The following GANAB variants were observed in gnomAD, a reference collection of about 807,000 sequenced individuals.
The protein encoded by GANAB is glucosidase II alpha subunit.
GANAB carries 35 observed loss-of-function variants against 129.9 expected under a neutral mutation model. That is an observed-to-expected ratio of 0.27 (90% CI 0.21 to 0.36). GANAB has a LOEUF of 0.36. Ranked by LOEUF, GANAB falls within the 10% of genes least tolerant of loss-of-function variation. The pLI is 1.00. For synonymous variants in GANAB, 482 were observed against 451.8 expected (o/e 1.07, Z -0.85); for missense variants, 939 against 1,221.0 (o/e 0.77, Z 3.44).
chr11:62,630,267 C>G lies in GANAB; in HGVS notation c.1523G>C (p.Gly508Ala). ...CGTGGGATTAGTGAAGTCAGGGTAACCAGCTGAGCCTGGGAGAAGTTAAGG... is the reference window on the plus strand; with the variant it reads ...CGTGGGATTAGTGAAGTCAGGGTAAGCAGCTGAGCCTGGGAGAAGTTAAGG... ...YEGWCWPGSAGYPDFTNPTMR... is the reference protein window; with the variant it reads ...YEGWCWPGSAAYPDFTNPTMR... The change falls in exon 13 of 24, where the codon GGT becomes GCT. Residue 508 changes from glycine to alanine, a missense_variant. By Grantham distance (60) the Gly-to-Ala change is moderately conservative. Coordinates refer to ENST00000356638, the MANE Select transcript of GANAB (RefSeq NM_198334.3). 6.2e-7 allele frequency: 1 copy of G among 1,613,544 alleles called. No individual in the cohort carries two copies.
In GANAB at chr11:62,629,020, A is replaced by G. The variant is rs747070400; in HGVS notation, c.1937-8T>C. 4 of 1,610,098 alleles carry G rather than the reference A, an allele frequency of 2.5e-6. No individual in the cohort carries two copies. The South Asian group carries it at 4.4e-5, about 18-fold the overall frequency. ...AGAAGCCACCCACATCCGCTGGTAG[A>G]GGAGAGAGAGGAAGCAGGTTGGAAA... On this transcript the variant is annotated splice_polypyrimidine_tract_variant and splice_region_variant and intron_variant, in intron 16 of 23. Transcript: ENST00000356638.
rs1033834039 is a variant in GANAB, at chr11:62,634,710, C to A, written c.560+111G>T. On this transcript the variant is annotated intron_variant, in intron 5 of 23. Coordinates refer to ENST00000356638, the MANE Select transcript of GANAB (RefSeq NM_198334.3). ...TCCCTGACAGAGAGCTTCTCCCAGC[C>A]CCCAGGCCCTACCTGGCTGTCCCAC... is the stretch of plus-strand genomic sequence containing the variant. 4 of 899,664 alleles carry A rather than the reference C, an allele frequency of 4.4e-6. No individual in the cohort carries two copies. The African/African-American group carries it at 5.0e-5, about 11-fold the overall frequency. 55.7% of individuals were successfully genotyped at this position (899,664 alleles called of 1,614,324 possible).
chr11:62,629,428 G>A (rs1590798303), intron 15 of GANAB, 133 bp from the exon 16 acceptor site: 3 of 810,474 alleles, frequency 3.7e-6, no homozygotes, highest in East Asian at 5.0e-5. Context: ...TTTGAACAAG[G>A]AGTGGACCTC....
intron 5 of GANAB, chr11:62,634,483 GA>G (rs1484020664): frequency 1.2e-5 from 9 of 741,994 alleles, no homozygotes; most frequent in African/African-American, 3.5e-5. Context: ...GAGATGGGGG[GA>G]AAAAGAAACC....
At chr11:62,633,976 CA>C in intron 5 of GANAB, 2 of 355,502 alleles carry the variant, frequency 5.6e-6, no homozygotes, top group Admixed American at 4.4e-5. Context: ...GAGATTCTGC[CA>C]AAAAATGCTT....
intron 4 of GANAB, 36 bp downstream of exon 4, chr11:62,638,947 G>A: frequency 6.2e-7 from 1 of 1,604,522 alleles, no homozygotes; most frequent in Non-Finnish European, 8.5e-7. Flanking sequence ...AGGAGAAAGG[G>A]GCCACAGAAA....
In GANAB at chr11:62,625,120, C is replaced by A. The variant is rs565872739; in HGVS notation, c.*695G>T. The A allele has an allele frequency of 2.4e-6, 1 of 420,884 alleles. No individual in the cohort carries two copies. The highest frequency in any genetic ancestry group is 4.7e-6 in the Non-Finnish European group (1 of 212,570). 26.1% of individuals were successfully genotyped at this position (420,884 alleles called of 1,614,324 possible). A position where few individuals can be genotyped will look rare whatever the true frequency, so the allele number is the denominator to read the frequency against. On this transcript the variant is annotated 3_prime_UTR_variant, in exon 24 of 24. Coordinates refer to ENST00000356638, the MANE Select transcript of GANAB (RefSeq NM_198334.3). Reference sequence around the variant, plus strand: ...AGAAGGGGGCAAAAGAAGTTTAATGCGCATCCCCTAAGAGGTGTGGAAACG... The same window carrying A: ...AGAAGGGGGCAAAAGAAGTTTAATGAGCATCCCCTAAGAGGTGTGGAAACG...
Position 62,633,487 on chromosome 11 carries a change from G to A in GANAB, c.588C>T (p.Gly196=), listed in dbSNP as rs760236090. The change falls in exon 6 of 24, where the codon GGC becomes GGT. Residue 196 remains glycine (G), a synonymous_variant. Transcript: ENST00000356638. ...GTGTTTCCTCAGGCTGGGCCCCATCGCCCTCAGCTGGGTCTTTTGATCCTT... is the reference window on the plus strand; with the variant it reads ...GTGTTTCCTCAGGCTGGGCCCCATCACCCTCAGCTGGGTCTTTTGATCCTT... ...VSQGSKDPAE[G]DGAQPEETPR... is the part of the protein sequence containing the mutation. The A allele has an allele frequency of 7.4e-6, 12 of 1,613,428 alleles. No individual in the cohort carries two copies. Among genetic ancestry groups the A allele is most frequent in the South Asian group, 4.4e-5 (4 of 91,054 alleles).
rs573497628 is a variant in GANAB at position 62,632,283 on chromosome 11, T to C, written c.996+282A>G. 2.0e-5 allele frequency among the ~76,000 whole-genome samples: 3 copies of C among 152,244 alleles called. No individual in the cohort carries two copies. The South Asian group carries it at 6.2e-4, about 32-fold the overall frequency. Reference sequence around the variant, plus strand: ...GCCACCACACCCAGCCCAGAACCTTTTCAACCTCAGTTAACACTATATCCC... The same window carrying C: ...GCCACCACACCCAGCCCAGAACCTTCTCAACCTCAGTTAACACTATATCCC... On this transcript the variant is annotated intron_variant, in intron 9 of 23. Coordinates refer to ENST00000356638, the MANE Select transcript of GANAB (RefSeq NM_198334.3).
rs371289544 is a variant in GANAB, at chr11:62,630,639, G to A, written c.1348C>T (p.Arg450Cys). The A allele has an allele frequency of 2.7e-5, 44 of 1,614,032 alleles. No individual in the cohort carries two copies. The highest frequency in any genetic ancestry group is 8.9e-5 in the East Asian group (4 of 44,896). ...GAAGCCAAGCGCTCAAGCATGGTGCGGGGCTGAGGGAAGCGACTGGGGTCC... is the reference window on the plus strand; with the variant it reads ...GAAGCCAAGCGCTCAAGCATGGTGCAGGGCTGAGGGAAGCGACTGGGGTCC... ...TWDPSRFPQP[R>C]TMLERLASKR... Residue 450 changes from arginine to cysteine, a missense_variant, in exon 11 of 24, where the codon CGC (arginine) becomes TGC (cysteine). This residue lies in a region of GANAB where 220 missense variants were observed against 295.9 expected (regional missense o/e 0.74). Transcript: ENST00000356638.
intron 6 of GANAB, 31 bp from the exon 7 acceptor site, chr11:62,633,302 A>G (rs997547529): frequency 6.4e-7 from 1 of 1,574,308 alleles, no homozygotes; most frequent in Non-Finnish European, 8.7e-7. Context: ...CCACTCTCCA[A>G]TCATACCAGT....
At position 62,625,547 on chromosome 11, in the gene GANAB, T is replaced by C. The variant is rs917472962; in HGVS notation, c.*268A>G. On this transcript the variant is annotated 3_prime_UTR_variant, in exon 24 of 24. Transcript: ENST00000356638. ...GGGCCCTGTGGTTTCCTGGTGTTCG[T>C]AAGTGAATGTGCTCCAGTTAGAGCA... 6 of 502,680 alleles carry C rather than the reference T, an allele frequency of 1.2e-5. No individual in the cohort carries two copies. The highest frequency in any genetic ancestry group is 2.2e-5 in the Non-Finnish European group (6 of 275,542). The allele number at this position is 502,680 out of a possible 1,614,324, so 31.1% of individuals were successfully genotyped here.
chr11:62,638,255 G>A lies in GANAB; in HGVS notation c.380+728C>T, dbSNP rs1375571239. Among the ~76,000 whole-genome samples, 4 of 152,262 alleles carry A rather than the reference G, an allele frequency of 2.6e-5. No homozygotes were observed. The South Asian group carries it at 8.3e-4, about 32-fold the overall frequency. On this transcript the variant is annotated intron_variant, in intron 4 of 23. Coordinates refer to ENST00000356638, the MANE Select transcript of GANAB (RefSeq NM_198334.3). ...TGCAACCTCTGCCTCCTGGGTTCAA[G>A]TAACCGTCCTGCCTCGGCCTCCTGA...
At chr11:62,643,621 C>G (rs1177220047) in intron 1 of GANAB, among the ~76,000 whole-genome samples, 1 of 151,888 alleles carries the variant, frequency 6.6e-6, no homozygotes, top group Non-Finnish European at 1.5e-5. Flanking sequence ...CCAGCCTGGG[C>G]GACACAGCGA....
intron 5 of GANAB, chr11:62,634,408 A>G: frequency 7.1e-7 from 1 of 1,410,672 alleles, no homozygotes; most frequent in Non-Finnish European, 1.0e-6. Flanking sequence ...GGGAAGGGGA[A>G]AAAGAGGCAC....
intron 1 of GANAB, among the ~76,000 whole-genome samples, chr11:62,643,064 G>A (rs1047998675): frequency 1.3e-5 from 2 of 152,100 alleles, no homozygotes; most frequent in Admixed American, 6.5e-5. Context: ...AGGTTATCAC[G>A]AATTGTCAAT....
Position 62,634,885 on chromosome 11 carries a change from G to T in GANAB, c.496C>A (p.Leu166Ile), listed in dbSNP as rs202170226. 7.4e-6 allele frequency: 12 copies of T among 1,613,976 alleles called. No individual in the cohort carries two copies. The highest frequency in any genetic ancestry group is 1.0e-5 in the Non-Finnish European group (12 of 1,179,952). The change falls in exon 5 of 24, where the codon CTT (leucine) becomes ATT (isoleucine). Residue 166 changes from leucine to isoleucine, a missense_variant. Transcript: ENST00000356638. Reference sequence around the variant, plus strand: ...CCTCGGGCATTGACACTAAGCAAAAGACTTCGGTCCTCTAGTAGGTCAAGG... The same window carrying T: ...CCTCGGGCATTGACACTAAGCAAAATACTTCGGTCCTCTAGTAGGTCAAGG... The part of the protein sequence containing the change: ...FRLDLLEDRS[L>I]LLSVNARGLL...
chr11:62,626,184 G>C lies in GANAB; in HGVS notation c.2625-19C>G. The C allele has an allele frequency of 6.5e-7, 1 of 1,548,218 alleles. No homozygotes were observed. The highest frequency in any genetic ancestry group is 8.9e-7 in the Non-Finnish European group (1 of 1,119,772). On this transcript the variant is annotated intron_variant, in intron 22 of 23. Coordinates refer to ENST00000356638, the MANE Select transcript of GANAB (RefSeq NM_198334.3). ...TGCTGAGCTGGAGATGGTAAAAGCAGATGTCCATCAGGGGGAAAAATAACA... is the reference window on the plus strand; with the variant it reads ...TGCTGAGCTGGAGATGGTAAAAGCACATGTCCATCAGGGGGAAAAATAACA...
At position 62,626,342 on chromosome 11, in the gene GANAB, C is replaced by G. The variant is rs1317789498; in HGVS notation, c.2617G>C (p.Val873Leu). ...GAGTGGGTGACCCATTACCTGGAGA[C>G]AAGGGTGTTGCCAGAGAATGAGAAT... ...RRFSFSGNTL[V>L]SSSADPEGHF... The change falls in exon 22 of 24, where the codon GTC becomes CTC. Residue 873 changes from valine to leucine, a missense_variant. By Grantham distance (32) the Val-to-Leu change is conservative. Around this residue, in one of 5 missense-constraint regions of GANAB, gnomAD observed 230 missense variants for 259.9 expected, o/e 0.89. Transcript: ENST00000356638. 6.2e-7 allele frequency: 1 copy of G among 1,603,984 alleles called. No individual in the cohort carries two copies. Among genetic ancestry groups the G allele is most frequent in the Non-Finnish European group, 8.5e-7 (1 of 1,170,904 alleles).
Sources: gnomAD v4.1 joint callset for allele counts (sites outside exome capture counted in the v4.1 genomes callset) on GRCh38, gnomAD v4.1.1 for gene constraint, gnomAD v4.1.1 regional missense constraint, MANE v1.5 for transcripts, NCBI Gene and HGNC (gene_info 2026-07-23, HGNC 2026-07-21) for gene names.